Variants in ACSS3 observed in about 807,000 individuals in gnomAD.
The protein encoded by ACSS3 is acyl-CoA synthetase short chain family member 3.
In ACSS3, 64 loss-of-function variants were observed where a neutral mutation model predicts 84.2. The ratio of observed to expected loss-of-function variants is 0.76; its 90% CI spans 0.62 to 0.94. The LOEUF is 0.94. ACSS3 is among the 40% of genes least tolerant of loss of function. The probability of loss-of-function intolerance (pLI) is 0.00; values close to 1 mark genes in which losing one functional copy is unlikely to be tolerated. For missense variants in ACSS3, 815 were observed against 867.6 expected, an observed-to-expected ratio of 0.94 and a Z score of 0.76; for synonymous variants, 317 against 310.1, an observed-to-expected ratio of 1.02 and a Z score of -0.23.
At chr12:81,117,790 T>C (rs576630912) in intron 2 of ACSS3, among the ~76,000 whole-genome samples, 2 of 152,124 alleles carry the variant, frequency 1.3e-5, no homozygotes, top group East Asian at 3.9e-4. Flanking sequence ...CCCCATAACA[T>C]AAATCCCCTT....
chr12:81,110,813 G>A (rs1883512053), intron 2 of ACSS3, among the ~76,000 whole-genome samples: 2 of 152,168 alleles, frequency 1.3e-5, no homozygotes, highest in East Asian at 1.9e-4. Flanking sequence ...TCATGCTAGG[G>A]TTTGGAGGCA....
At chr12:81,141,717 G>T in intron 4 of ACSS3, among the ~76,000 whole-genome samples, 1 of 152,094 alleles carries the variant, frequency 6.6e-6, no homozygotes, top group East Asian at 1.9e-4. Context: ...TTTGCAGTGT[G>T]ATGATTTTTA....
chr12:81,203,454 T>C (rs2032199761), intron 9 of ACSS3, among the ~76,000 whole-genome samples: 1 of 152,198 alleles, frequency 6.6e-6, no homozygotes, highest in Non-Finnish European at 1.5e-5. Context: ...ACATTATTAT[T>C]GTTGCTCTAG....
chr12:81,139,924 C>T (rs562196466), intron 4 of ACSS3, among the ~76,000 whole-genome samples: 22 of 152,054 alleles, frequency 1.4e-4, no homozygotes, highest in Non-Finnish European at 2.8e-4. Flanking sequence ...TGTGAGCCAC[C>T]GCGCCCGGCC....
intron 2 of ACSS3, among the ~76,000 whole-genome samples, chr12:81,131,979 A>G (rs1885534093): frequency 6.6e-6 from 1 of 152,174 alleles, no homozygotes; most frequent in African/African-American, 2.4e-5. Flanking sequence ...GATGAAGCCA[A>G]CTTGATCATG....
chr12:81,079,422 T>C (rs1880831123), intron 1 of ACSS3, among the ~76,000 whole-genome samples: 1 of 152,010 alleles, frequency 6.6e-6, no homozygotes, highest in Non-Finnish European at 1.5e-5. Context: ...AGCAATGAGA[T>C]GAGGGGAATG....
At chr12:81,143,309 T>A (rs967187501) in intron 5 of ACSS3, 62 bp downstream of exon 5, 1 of 1,391,214 alleles carries the variant, frequency 7.2e-7, no homozygotes, top group African/African-American at 1.4e-5. Flanking sequence ...CAAGAATGTT[T>A]GATCACTGAC....
rs2034347290 is a variant in ACSS3 at position 81,257,538 on chromosome 12, T to TTAAG, written c.*2618_*2621dup. 1 of 152,176 alleles carries TTAAG rather than the reference T, an allele frequency of 6.6e-6. No homozygotes were observed. The highest frequency in any genetic ancestry group is 2.4e-5 in the African/African-American group (1 of 41,464). 9.4% of individuals were successfully genotyped at this position (152,176 alleles called of 1,614,324 possible). A position where few individuals can be genotyped will look rare whatever the true frequency, so the allele number is the denominator to read the frequency against. On this transcript the variant is annotated 3_prime_UTR_variant, in exon 16 of 16. Transcript: ENST00000548058. ...GGTATTTTCATAGGATTTCTTACTG[T>TTAAG]TAAGTTATTGGAAAATGAAAATATA... is the stretch of plus-strand genomic sequence containing the variant.
At chr12:81,186,933 A>G (rs141365801) in intron 8 of ACSS3, among the ~76,000 whole-genome samples, 288 of 151,980 alleles carry the variant, frequency 1.9e-3, no homozygotes, top group African/African-American at 6.6e-3. Context: ...CATCATTCAC[A>G]ATAGCAAAGG....
intron 1 of ACSS3, among the ~76,000 whole-genome samples, chr12:81,079,603 T>C (rs1880843805): frequency 6.6e-6 from 1 of 152,210 alleles, no homozygotes; most frequent in Non-Finnish European, 1.5e-5. Flanking sequence ...TTCCTATCAA[T>C]TATTTTTTCA....
At chr12:81,144,905 T>TTC (rs1467329843) in intron 5 of ACSS3, among the ~76,000 whole-genome samples, 2 of 140,076 alleles carry the variant, frequency 1.4e-5, no homozygotes, top group African/African-American at 2.6e-5. Context: ...TTTCTTTTCT[T>TTC]TTTTTTTTTT....
chr12:81,172,359 T>G, intron 7 of ACSS3, among the ~76,000 whole-genome samples: 1 of 151,518 alleles, frequency 6.6e-6, no homozygotes, highest in East Asian at 1.9e-4. Context: ...CAGACAAAAT[T>G]TTGCCTATCA....
chr12:81,172,061 G>A (rs191906411), intron 7 of ACSS3, among the ~76,000 whole-genome samples: 3 of 152,186 alleles, frequency 2.0e-5, no homozygotes, highest in Admixed American at 1.3e-4. Context: ...GAGGTCAGAA[G>A]TTCAAGACCA....
At position 81,139,259 on chromosome 12, in the gene ACSS3, A is replaced by G. The variant is rs1334970766; in HGVS notation, c.774A>G (p.Pro258=). The change falls in exon 4 of 16, where the codon CCA becomes CCG. Residue 258 remains proline (P), a synonymous_variant. Transcript: ENST00000548058. The stretch of plus-strand genomic sequence containing the variant: ...ACAAAATTCTCATTTATAATCGTCC[A>G]AATATGGTAATCTGAATATTGAATT... ...KPDKILIYNR[P]NMEAVPLAPG... is the part of the protein sequence containing the mutation. 1 of 1,613,868 alleles carries G rather than the reference A, an allele frequency of 6.2e-7. No homozygotes were observed. Among genetic ancestry groups the G allele is most frequent in the Non-Finnish European group, 8.5e-7 (1 of 1,179,880 alleles).
intron 9 of ACSS3, among the ~76,000 whole-genome samples, chr12:81,216,692 A>C (rs965230875): frequency 6.6e-5 from 10 of 152,120 alleles, no homozygotes; most frequent in Non-Finnish European, 1.5e-4. Flanking sequence ...AATTTTTCTA[A>C]TTATGAATTC....
intron 7 of ACSS3, among the ~76,000 whole-genome samples, chr12:81,168,060 T>A (rs1185939301): frequency 1.3e-5 from 2 of 152,172 alleles, no homozygotes; most frequent in African/African-American, 2.4e-5. Context: ...TTCCATATGA[T>A]TAAAGTAATG....
chr12:81,140,889 T>C (rs1886061819), intron 4 of ACSS3, among the ~76,000 whole-genome samples: 1 of 152,198 alleles, frequency 6.6e-6, no homozygotes, highest in African/African-American at 2.4e-5. Flanking sequence ...TGTTCTAAGT[T>C]CTAGGCCCAA....
At chr12:81,184,418 G>C (rs12823939) in intron 8 of ACSS3, among the ~76,000 whole-genome samples, 2,692 of 151,802 alleles carry the variant, frequency 0.018, 38 homozygotes, top group Admixed American at 0.02. Context: ...AAAATTAGCT[G>C]ATGGGAATAA....
At chr12:81,101,045 G>C (rs1035862414) in intron 1 of ACSS3, among the ~76,000 whole-genome samples, 1 of 152,166 alleles carries the variant, frequency 6.6e-6, no homozygotes, top group Non-Finnish European at 1.5e-5. Context: ...TGTGTAGCCA[G>C]TTATTATTGA....
Sources: gnomAD v4.1 joint callset for allele counts (sites outside exome capture counted in the v4.1 genomes callset) on GRCh38, gnomAD v4.1.1 for gene constraint, MANE v1.5 for transcripts, NCBI Gene and HGNC (gene_info 2026-07-23, HGNC 2026-07-21) for gene names.